EPN2: variants seen among roughly 807,000 people sequenced by gnomAD.
The protein encoded by EPN2 is epsin 2, also known as epsin-2.
In EPN2, 34 loss-of-function variants were observed where a neutral mutation model predicts 61.7. The ratio of observed to expected loss-of-function variants is 0.55; its 90% CI spans 0.42 to 0.73. EPN2 has a LOEUF of 0.73. EPN2 is among the 30% of genes least tolerant of loss of function. EPN2 has a pLI of 0.00. For synonymous variants in EPN2, 349 were observed against 353.6 expected (o/e 0.99, Z 0.15); for missense variants, 714 against 839.2 (o/e 0.85, Z 1.84).
intron 3 of EPN2, among the ~76,000 whole-genome samples, chr17:19,284,395 C>G (rs1182549854): frequency 6.6e-6 from 1 of 152,126 alleles, no homozygotes; most frequent in Admixed American, 6.5e-5. Context: ...GGAAGCTGGT[C>G]TCTGTGAGTC....
rs2152243400 is a variant in EPN2 at position 19,335,945 on chromosome 17, C to G, written c.*1691C>G. On this transcript the variant is annotated 3_prime_UTR_variant, in exon 11 of 11. Coordinates refer to ENST00000314728, the MANE Select transcript of EPN2 (RefSeq NM_014964.5). ...GTGGATGTTTCTGGCCCTTTTTCCACCATGGGAATTTCTCACCTCTAGCTC... is the reference window on the plus strand; with the variant it reads ...GTGGATGTTTCTGGCCCTTTTTCCAGCATGGGAATTTCTCACCTCTAGCTC... 6.5e-6 allele frequency: 1 copy of G among 152,876 alleles called. No homozygotes were observed. The highest frequency in any genetic ancestry group is 1.9e-4 in the East Asian group (1 of 5,206). The allele number at this position is 152,876 out of a possible 1,614,324, so 9.5% of individuals were successfully genotyped here.
intron 1 of EPN2, among the ~76,000 whole-genome samples, chr17:19,238,371 A>T (rs546707622): frequency 2.4e-3 from 360 of 152,276 alleles, no homozygotes; most frequent in African/African-American, 8.5e-3. Context: ...AGTCGGTGCC[A>T]ACAGGTTTTT....
At position 19,313,087 on chromosome 17, in the gene EPN2, T is replaced by C; in HGVS notation, c.973-18T>C. On this transcript the variant is annotated intron_variant, in intron 6 of 10. Coordinates refer to ENST00000314728, the MANE Select transcript of EPN2 (RefSeq NM_014964.5). Reference sequence around the variant, plus strand: ...CTGTAGCATAGTAAAACCTGTCCCCTTCTCTTTGTCTTAAAAGCATGGCTC... The same window carrying C: ...CTGTAGCATAGTAAAACCTGTCCCCCTCTCTTTGTCTTAAAAGCATGGCTC... 1.2e-6 allele frequency: 2 copies of C among 1,611,214 alleles called. No homozygotes were observed. Among genetic ancestry groups the C allele is most frequent in the Non-Finnish European group, 1.7e-6 (2 of 1,178,808 alleles).
At chr17:19,313,051 A>T in intron 6 of EPN2, 54 bp from the exon 7 acceptor site, 1 of 1,573,596 alleles carries the variant, frequency 6.4e-7, no homozygotes, top group Non-Finnish European at 8.7e-7. Context: ...GTTCATGAGT[A>T]TTTGCTGTAA....
At chr17:19,305,570 G>A (rs191310276) in intron 4 of EPN2, among the ~76,000 whole-genome samples, 202 of 152,336 alleles carry the variant, frequency 1.3e-3, no homozygotes, top group Non-Finnish European at 1.1e-3. Context: ...TAGCTGATAA[G>A]AATCAATTTC....
chr17:19,248,036 A>C (rs977614157), intron 1 of EPN2, among the ~76,000 whole-genome samples: 4 of 152,178 alleles, frequency 2.6e-5, no homozygotes, highest in Non-Finnish European at 4.4e-5. Flanking sequence ...GTTAATTCTC[A>C]TAGTCTGTGT....
At chr17:19,315,649 C>T (rs1446285181) in intron 7 of EPN2, among the ~76,000 whole-genome samples, 1 of 152,070 alleles carries the variant, frequency 6.6e-6, no homozygotes, top group Non-Finnish European at 1.5e-5. Context: ...ACCACACCAA[C>T]TAGTTTTTTA....
At position 19,283,901 on chromosome 17, in the gene EPN2, T is replaced by C. The variant is rs769497355; in HGVS notation, c.595+187T>C. 6.6e-6 allele frequency among the ~76,000 whole-genome samples: 1 copy of C among 152,172 alleles called. No homozygotes were observed. Among genetic ancestry groups the C allele is most frequent in the Non-Finnish European group, 1.5e-5 (1 of 68,030 alleles). On this transcript the variant is annotated intron_variant, in intron 3 of 10. Coordinates refer to ENST00000314728, the MANE Select transcript of EPN2 (RefSeq NM_014964.5). This position sits in a 1 kb window ranked among gnomAD's most constrained non-coding sequence, Gnocchi z 7.0. Reference sequence around the variant, plus strand: ...TTGAGTTTTGGTTATAAAGGGACTTTTAGTCCCTTGGCTGCTCTGGTTCAG... The same window carrying C: ...TTGAGTTTTGGTTATAAAGGGACTTCTAGTCCCTTGGCTGCTCTGGTTCAG...
chr17:19,238,572 A>G (rs118178868), intron 1 of EPN2, among the ~76,000 whole-genome samples: 2,253 of 152,274 alleles, frequency 0.015, 62 homozygotes, highest in Admixed American at 0.069. Context: ...CTTAACCATC[A>G]TTAGGGTTCA....
intron 1 of EPN2, among the ~76,000 whole-genome samples, chr17:19,239,293 G>A (rs1261085824): frequency 1.3e-5 from 2 of 152,068 alleles, no homozygotes. Context: ...GATTACAGGC[G>A]CACGCCATCC....
At chr17:19,240,250 A>AT (rs879776405) in intron 1 of EPN2, among the ~76,000 whole-genome samples, 4,098 of 145,508 alleles carry the variant, frequency 0.028, 158 homozygotes, top group African/African-American at 0.09. Context: ...GATTTGGGGA[A>AT]TTTTTTTTTT....
At chr17:19,270,357 G>A (rs1020260557) in intron 1 of EPN2, among the ~76,000 whole-genome samples, 13 of 152,206 alleles carry the variant, frequency 8.5e-5, no homozygotes, top group Non-Finnish European at 1.9e-4. Flanking sequence ...CAAGATTGTT[G>A]ATGGTTTTGA....
rs144295040 is a variant in EPN2, at chr17:19,285,681, G to T, written c.657G>T (p.Glu219Asp). Residue 219 changes from glutamate (E) to aspartate (D), a missense_variant, in exon 4 of 11, where the codon GAG (glutamate) becomes GAT (aspartate). Coordinates refer to ENST00000314728, the MANE Select transcript of EPN2 (RefSeq NM_014964.5). The surrounding 1 kb of genome is among the most constrained non-coding windows in gnomAD (Gnocchi z 4.5). ...RTGAPLGQSE[E>D]LQPLSQRHPF... Reference sequence around the variant, plus strand: ...GGGCCCCGCTGGGTCAGAGTGAGGAGCTGCAGCCACTGAGCCAGCGCCACC... The same window carrying T: ...GGGCCCCGCTGGGTCAGAGTGAGGATCTGCAGCCACTGAGCCAGCGCCACC... The T allele has an allele frequency of 2.7e-5, 42 of 1,583,354 alleles. No individual in the cohort carries two copies. In the East Asian group the frequency reaches 9.2e-4, roughly 35 times the overall value.
At chr17:19,315,247 C>T (rs897830442) in intron 7 of EPN2, among the ~76,000 whole-genome samples, 22 of 152,242 alleles carry the variant, frequency 1.4e-4, no homozygotes, top group African/African-American at 5.1e-4. Flanking sequence ...ACCCAGTGTT[C>T]TGGGCCGAGC....
intron 4 of EPN2, among the ~76,000 whole-genome samples, chr17:19,289,724 G>GTTTTTTTGTTTT (rs2045442524): frequency 1.3e-5 from 1 of 78,026 alleles, no homozygotes; most frequent in African/African-American, 4.8e-5. Context: ...GGCGCTCATG[G>GTTTTTTTGTTTT]TTTTTTTTTT....
chr17:19,283,772 A>G lies in EPN2; in HGVS notation c.595+58A>G. 1 of 1,324,722 alleles carries G rather than the reference A, an allele frequency of 7.5e-7. No homozygotes were observed. The allele number at this position is 1,324,722 out of a possible 1,614,324, so 82.1% of individuals were successfully genotyped here. On this transcript the variant is annotated intron_variant, in intron 3 of 10. Transcript: ENST00000314728. The surrounding 1 kb of genome is among the most constrained non-coding windows in gnomAD (Gnocchi z 7.0). ...AGAGCAGCAGCAATGGGTGACAGGC[A>G]GGGTGGGTGTCTCTGGGCTTAGGGA...
intron 4 of EPN2, among the ~76,000 whole-genome samples, chr17:19,288,474 G>C (rs904075631): frequency 6.6e-6 from 1 of 152,250 alleles, no homozygotes; most frequent in Admixed American, 6.5e-5. Context: ...GTGGCTTGCA[G>C]TATGAATGGA....
chr17:19,278,588 G>A lies in EPN2; in HGVS notation c.-293-3367G>A, dbSNP rs184371731. On this transcript the variant is annotated intron_variant, in intron 1 of 10. Transcript: ENST00000314728. ...CTTCCACAACACGTGGGAATTCTGG[G>A]AGACACAATTCAAGTTGAGATTTGG... Among the ~76,000 whole-genome samples the A allele has an allele frequency of 1.2e-4, 19 of 152,308 alleles. No homozygotes were observed. The East Asian group carries it at 3.5e-3, about 28-fold the overall frequency.
Position 19,285,345 on chromosome 17 carries a change from C to T in EPN2, c.596-275C>T, listed in dbSNP as rs1030029271. 6.6e-6 allele frequency among the ~76,000 whole-genome samples: 1 copy of T among 152,256 alleles called. No individual in the cohort carries two copies. Among genetic ancestry groups the T allele is most frequent in the African/African-American group, 2.4e-5 (1 of 41,470 alleles). On this transcript the variant is annotated intron_variant, in intron 3 of 10. Transcript: ENST00000314728. This position sits in a 1 kb window ranked among gnomAD's most constrained non-coding sequence, Gnocchi z 4.5. ...AGGAGCCTGGTTTGATCCACCCCTC[C>T]TCCTCATACCGAGTCCAGGGCCTGT...
Sources: allele counts gnomAD v4.1 joint callset (sites outside exome capture counted in the v4.1 genomes callset), GRCh38; gene constraint gnomAD v4.1.1; non-coding constraint Gnocchi (gnomAD v3.1); transcripts MANE v1.5; gene names NCBI Gene and HGNC (gene_info 2026-07-23, HGNC 2026-07-21).